The following KNTC1 variants were observed in gnomAD, a reference collection of about 807,000 sequenced individuals.
KNTC1 encodes kinetochore associated 1.
Under a neutral mutation model 314.4 loss-of-function variants are expected in KNTC1, and 253 were observed. The ratio of observed to expected loss-of-function variants is 0.80; its 90% CI spans 0.73 to 0.89. The LOEUF (loss-of-function observed/expected upper bound fraction) is 0.89. KNTC1 is among the 40% of genes least tolerant of loss of function. The pLI is 0.00. For synonymous variants in KNTC1, 901 were observed against 901.4 expected, an observed-to-expected ratio of 1.00 and a Z score of 0.01; for missense variants, 2,475 against 2,572.9, an observed-to-expected ratio of 0.96 and a Z score of 0.82.
rs548185445 is a variant in KNTC1 at position 122,549,519 on chromosome 12, C to T, written c.988-247C>T. ...AGTAGCTGTGATTACAGATGCACAC[C>T]GCCACACCAGGCTAATTTTTTGTAT... On this transcript the variant is annotated intron_variant, in intron 12 of 63. Coordinates refer to ENST00000333479, the MANE Select transcript of KNTC1 (RefSeq NM_014708.6). Among the ~76,000 whole-genome samples the T allele has an allele frequency of 6.6e-5, 10 of 152,012 alleles. No individual in the cohort carries two copies. In the East Asian group the frequency reaches 9.7e-4, roughly 15 times the overall value.
Position 122,605,014 on chromosome 12 carries a change from T to C in KNTC1, c.5313T>C (p.His1771=). ...EYLRVIGKPA[H]LIVSLYEHPS... is the part of the protein sequence containing the mutation. ...TAAGAGTGATCGGAAAGCCAGCACA[T>C]CTTATTGTCAGTCTCTACGAACATC... Residue 1771 remains histidine, a synonymous_variant, in exon 50 of 64, where the codon CAT becomes CAC. Coordinates refer to ENST00000333479, the MANE Select transcript of KNTC1 (RefSeq NM_014708.6). The C allele has an allele frequency of 6.2e-7, 1 of 1,613,394 alleles. No homozygotes were observed. The highest frequency in any genetic ancestry group is 8.5e-7 in the Non-Finnish European group (1 of 1,179,678).
intron 29 of KNTC1, 81 bp downstream of exon 29, chr12:122,575,980 A>C: frequency 6.8e-7 from 1 of 1,468,794 alleles, no homozygotes; most frequent in Non-Finnish European, 9.0e-7. Context: ...TTTATATTCT[A>C]GGAGGCTAAT....
chr12:122,541,755 T>C (rs1962355337), intron 5 of KNTC1, among the ~76,000 whole-genome samples: 1 of 151,886 alleles, frequency 6.6e-6, no homozygotes, highest in African/African-American at 2.4e-5. Flanking sequence ...GAGCAGTGGC[T>C]CAGGCCTGTA....
chr12:122,585,662 A>G lies in KNTC1; in HGVS notation c.3561A>G (p.Pro1187=), dbSNP rs1401033700. 1.9e-6 allele frequency: 3 copies of G among 1,613,812 alleles called. No homozygotes were observed. The highest frequency in any genetic ancestry group is 1.7e-5 in the Admixed American group (1 of 60,012). Residue 1187 remains proline, a synonymous_variant, in exon 37 of 64, where the codon CCA becomes CCG. Transcript: ENST00000333479. ...MKASFGTHKD[P]YEEWSYSDFF... The stretch of plus-strand genomic sequence containing the variant: ...CTTCTTTTGGGACACATAAAGATCC[A>G]TATGAAGAGTGGTCTTACAGTGACT...
intron 24 of KNTC1, among the ~76,000 whole-genome samples, chr12:122,572,399 A>G (rs28673405): frequency 6.6e-6 from 1 of 150,600 alleles, no homozygotes; most frequent in Non-Finnish European, 1.5e-5. Flanking sequence ...TGTCCCCCCC[A>G]AAAAAAAAGA....
In KNTC1 at chr12:122,547,527, CGTG is replaced by C. The variant is rs758117546; in HGVS notation, c.932_932+2del. On this transcript the variant is annotated inframe_deletion and splice_region_variant, in exon 11 of 64. Coordinates refer to ENST00000333479, the MANE Select transcript of KNTC1 (RefSeq NM_014708.6). ...GAAGCAGACTCTCCTTCATCAGTCACGTGGTATGTTATGACTATGGCTAGTAGT... is the reference window on the plus strand; with the variant it reads ...GAAGCAGACTCTCCTTCATCAGTCACGTATGTTATGACTATGGCTAGTAGT... 1 of 1,584,618 alleles carries C rather than the reference CGTG, an allele frequency of 6.3e-7. No homozygotes were observed. The highest frequency in any genetic ancestry group is 1.7e-5 in the Admixed American group (1 of 59,532).
rs774367572 is a variant in KNTC1, at chr12:122,624,635, A to G, written c.6553A>G (p.Lys2185Glu). Residue 2185 changes from lysine (K) to glutamate (E), a missense_variant, in exon 63 of 64, where the codon AAG (lysine) becomes GAG (glutamate). Transcript: ENST00000333479. Reference sequence around the variant, plus strand: ...TTCAGTCTTGATAACTGAATATTCAAAGCACTGCGGGAAACCTGTGCCTCC... The same window carrying G: ...TTCAGTCTTGATAACTGAATATTCAGAGCACTGCGGGAAACCTGTGCCTCC... The part of the protein sequence containing the change: ...EASVLITEYS[K>E]HCGKPVPPDT... 8 of 1,613,570 alleles carry G rather than the reference A, an allele frequency of 5.0e-6. No homozygotes were observed. The highest frequency in any genetic ancestry group is 1.7e-4 in the Middle Eastern group (1 of 6,060).
intron 1 of KNTC1, among the ~76,000 whole-genome samples, chr12:122,527,884 CCTT>C (rs754119928): frequency 1.3e-5 from 2 of 152,216 alleles, no homozygotes; most frequent in South Asian, 2.1e-4. Flanking sequence ...CCAAACAAAT[CCTT>C]CTTCAGCGAC....
In KNTC1 at chr12:122,592,419, C is replaced by T. The variant is rs550492722; in HGVS notation, c.4245+966C>T. Among the ~76,000 whole-genome samples, 16 of 152,336 alleles carry T rather than the reference C, an allele frequency of 1.1e-4. No individual in the cohort carries two copies. In the South Asian group the frequency reaches 2.9e-3, roughly 28 times the overall value. On this transcript the variant is annotated intron_variant, in intron 42 of 63. Coordinates refer to ENST00000333479, the MANE Select transcript of KNTC1 (RefSeq NM_014708.6). The stretch of plus-strand genomic sequence containing the variant: ...GGCTGAGGAGTGTGAGCGCACGGCA[C>T]GGGACTGGCAGGCAGCTCCACCTGC...
At chr12:122,566,906 G>A (rs2137884721) in intron 20 of KNTC1, among the ~76,000 whole-genome samples, 1 of 150,790 alleles carries the variant, frequency 6.6e-6, no homozygotes, top group East Asian at 2.0e-4. Context: ...ACCACACTCA[G>A]CTAATTTTTT....
chr12:122,568,572 C>T (rs1364541875), intron 21 of KNTC1, among the ~76,000 whole-genome samples, 200 bp downstream of exon 21: 1 of 152,218 alleles, frequency 6.6e-6, no homozygotes, highest in Non-Finnish European at 1.5e-5. Flanking sequence ...CGCGATGGCT[C>T]ACGCCTATAA....
rs1871885595 is a variant in KNTC1, at chr12:122,601,434, T to C, written c.4564-102T>C. The C allele has an allele frequency of 5.7e-6, 6 of 1,052,024 alleles. No individual in the cohort carries two copies. The South Asian group carries it at 8.4e-5, about 15-fold the overall frequency. 65.2% of individuals were successfully genotyped at this position (1,052,024 alleles called of 1,614,324 possible). On this transcript the variant is annotated intron_variant, in intron 44 of 63. Coordinates refer to ENST00000333479, the MANE Select transcript of KNTC1 (RefSeq NM_014708.6). Reference sequence around the variant, plus strand: ...TAATTAATTTAACAATGTAGTGCAGTGACATTTTTATATTTGTAATCTGTG... The same window carrying C: ...TAATTAATTTAACAATGTAGTGCAGCGACATTTTTATATTTGTAATCTGTG...
intron 63 of KNTC1, 125 bp from the exon 64 acceptor site, chr12:122,626,080 A>C: frequency 1.4e-6 from 1 of 704,666 alleles, no homozygotes. Flanking sequence ...TCTAATCTAA[A>C]ATGCCAAATA....
intron 57 of KNTC1, among the ~76,000 whole-genome samples, chr12:122,617,797 A>G (rs1873929543): frequency 6.6e-6 from 1 of 152,208 alleles, no homozygotes; most frequent in South Asian, 2.1e-4. Context: ...ATAAATGTAC[A>G]GTTTTGTGAC....
chr12:122,554,076 A>ATATAT (rs1555224817), intron 16 of KNTC1, among the ~76,000 whole-genome samples: 2,040 of 108,928 alleles, frequency 0.019, 22 homozygotes, highest in Non-Finnish European at 0.021. Context: ...AAAAAAAAAA[A>ATATAT]ATATATATAT....
intron 51 of KNTC1, 154 bp from the exon 52 acceptor site, chr12:122,609,230 A>G (rs1872854185): frequency 3.1e-6 from 2 of 635,980 alleles, no homozygotes; most frequent in South Asian, 1.9e-5. Context: ...CCATCAGTTA[A>G]GCAAAAATCT....
chr12:122,605,335 G>A lies in KNTC1; in HGVS notation c.5416G>A (p.Glu1806Lys), dbSNP rs529981688. 8.1e-6 allele frequency: 13 copies of A among 1,602,662 alleles called. No individual in the cohort carries two copies. The highest frequency in any genetic ancestry group is 6.7e-5 in the African/African-American group (5 of 74,720). The change falls in exon 51 of 64, where the codon GAA becomes AAA. Residue 1806 changes from glutamate (E) to lysine (K), a missense_variant. By Grantham distance (56) the Glu-to-Lys change is moderately conservative. Coordinates refer to ENST00000333479, the MANE Select transcript of KNTC1 (RefSeq NM_014708.6). ...TCATGCAGCAGCTAAAGAAATAGCC[G>A]AAGTCAATGAAATTAATTTGGAAAA... Reference protein sequence around the residue: ...DIHAAAKEIAEVNEINLEKVW... With the variant: ...DIHAAAKEIAKVNEINLEKVW...
At chr12:122,548,006 T>C in intron 12 of KNTC1, 37 bp downstream of exon 12, 2 of 1,356,648 alleles carry the variant, frequency 1.5e-6, no homozygotes, top group Non-Finnish European at 2.0e-6. Context: ...GCCTATATTA[T>C]GTGTTAGAAA....
At chr12:122,532,418 AG>A (rs1344121495) in intron 2 of KNTC1, among the ~76,000 whole-genome samples, 2 of 151,818 alleles carry the variant, frequency 1.3e-5, no homozygotes, top group Non-Finnish European at 2.9e-5. Context: ...CATGTTGAGC[AG>A]GATGGTCTCG....
Sources: allele counts gnomAD v4.1 joint callset (sites outside exome capture counted in the v4.1 genomes callset), GRCh38; gene constraint gnomAD v4.1.1; transcripts MANE v1.5; gene names NCBI Gene and HGNC (gene_info 2026-07-23, HGNC 2026-07-21).